ARHGEF6: variants seen among roughly 807,000 people sequenced by gnomAD.
The protein encoded by ARHGEF6 is Rac/Cdc42 guanine nucleotide exchange factor 6.
ARHGEF6 carries 9 observed loss-of-function variants against 70.3 expected under a neutral mutation model. That is an observed-to-expected ratio of 0.13 (90% CI 0.08 to 0.22). The LOEUF (loss-of-function observed/expected upper bound fraction) is 0.22, where lower values mean the gene tolerates loss of function less well. Ranked by LOEUF, ARHGEF6 falls within the 10% of genes least tolerant of loss-of-function variation. The probability of loss-of-function intolerance (pLI) is 1.00; values close to 1 mark genes in which losing one functional copy is unlikely to be tolerated. For synonymous variants in ARHGEF6, 201 were observed against 207.8 expected (o/e 0.97, Z 0.28); for missense variants, 470 against 563.0 (o/e 0.83, Z 1.67).
Position 136,680,880 on chromosome X carries a change from C to T in ARHGEF6, c.1559-4G>A. ...ACAATTCTCTCCACTGTGTTACCTA[C>T]ATCCCCCAATTATGATCAGTTTGAA... On this transcript the variant is annotated splice_polypyrimidine_tract_variant and splice_region_variant and intron_variant, in intron 14 of 21. Transcript: ENST00000250617. The T allele has an allele frequency of 8.3e-7, 1 of 1,211,679 alleles. No homozygotes were observed. The highest frequency in any genetic ancestry group is 1.1e-6 in the Non-Finnish European group (1 of 895,255).
chrX:136,780,738 T>A lies in ARHGEF6; in HGVS notation c.145A>T (p.Met49Leu). 1 of 1,211,466 alleles carries A rather than the reference T, an allele frequency of 8.3e-7. No homozygotes were observed. The highest frequency in any genetic ancestry group is 1.1e-6 in the Non-Finnish European group (1 of 895,265). Reference protein sequence around the residue: ...VVLCKLINRLMPGSVEKFCLD... With the variant: ...VVLCKLINRLLPGSVEKFCLD... ...CTTACCTTTTCCACAGAGCCAGGCA[T>A]GAGTCTGTTGATCAGTTTGCACAGA... Residue 49 changes from methionine (M) to leucine (L), a missense_variant, in exon 1 of 22, where the codon ATG (methionine) becomes TTG (leucine). By Grantham distance (15) the Met-to-Leu change is conservative. Coordinates refer to ENST00000250617, the MANE Select transcript of ARHGEF6 (RefSeq NM_004840.3).
intron 9 of ARHGEF6, among the ~76,000 whole-genome samples, chrX:136,702,798 T>C (rs2076589061): frequency 8.9e-6 from 1 of 112,293 alleles, no homozygotes; most frequent in South Asian, 3.7e-4. Flanking sequence ...AACATCTCTC[T>C]ATCAGGAACT....
At chrX:136,753,400 T>C (rs1300828186) in intron 2 of ARHGEF6, among the ~76,000 whole-genome samples, 2 of 111,685 alleles carry the variant, frequency 1.8e-5, no homozygotes, top group African/African-American at 6.5e-5. Flanking sequence ...ACTACCTTTA[T>C]GAGGCTCCAT....
intron 2 of ARHGEF6, among the ~76,000 whole-genome samples, chrX:136,754,177 T>G (rs1357976539): frequency 2.7e-5 from 3 of 111,921 alleles, no homozygotes; most frequent in African/African-American, 9.8e-5. Context: ...CCCCTTTCTC[T>G]ATAACAGAGA....
chrX:136,668,533 C>CTTATTATTATTA (rs58182405), intron 21 of ARHGEF6, among the ~76,000 whole-genome samples: 5 of 98,461 alleles, frequency 5.1e-5, no homozygotes, highest in African/African-American at 1.9e-4. Context: ...TCTTCTTCTT[C>CTTATTATTATTA]TTATTATTAT....
At chrX:136,748,007 C>T (rs1187134330) in intron 2 of ARHGEF6, among the ~76,000 whole-genome samples, 5 of 111,992 alleles carry the variant, frequency 4.5e-5, no homozygotes, top group African/African-American at 1.6e-4. Flanking sequence ...GAGGTGGAGC[C>T]TTTTTGACAT....
At chrX:136,778,034 A>G (rs1006870531) in intron 2 of ARHGEF6, among the ~76,000 whole-genome samples, 1 of 111,640 alleles carries the variant, frequency 9.0e-6, no homozygotes, top group Admixed American at 9.5e-5. Context: ...CATTGGGTAC[A>G]GTGTACACTG....
intron 6 of ARHGEF6, among the ~76,000 whole-genome samples, chrX:136,716,285 G>A (rs1360923964): frequency 2.7e-5 from 3 of 112,135 alleles, no homozygotes; most frequent in Non-Finnish European, 5.6e-5. Context: ...ACTGTTATGG[G>A]GGAAGGTCAA....
intron 7 of ARHGEF6, among the ~76,000 whole-genome samples, chrX:136,709,402 A>G (rs1228747627): frequency 2.7e-5 from 3 of 112,598 alleles, no homozygotes; most frequent in Non-Finnish European, 3.8e-5. Context: ...AACAAGAGTC[A>G]ACACTCATAG....
intron 9 of ARHGEF6, among the ~76,000 whole-genome samples, chrX:136,696,040 C>T (rs1488299817): frequency 8.9e-6 from 1 of 111,732 alleles, no homozygotes; most frequent in Non-Finnish European, 1.9e-5. Flanking sequence ...TACATTATTT[C>T]ATTTAATACT....
At chrX:136,724,814 G>T (rs1372755968) in intron 6 of ARHGEF6, among the ~76,000 whole-genome samples, 1 of 111,620 alleles carries the variant, frequency 9.0e-6, no homozygotes, top group Non-Finnish European at 1.9e-5. Context: ...AAGCACTGTT[G>T]TCTATAACTG....
intron 2 of ARHGEF6, 92 bp from the exon 3 acceptor site, chrX:136,747,684 G>GAA (rs140379962): frequency 0.069 from 8,231 of 119,276 alleles, 385 homozygotes; most frequent in South Asian, 0.097. Flanking sequence ...CAGCTCTCCG[G>GAA]AAAAAAAAAA....
intron 9 of ARHGEF6, among the ~76,000 whole-genome samples, chrX:136,701,000 T>G (rs1190104763): frequency 8.9e-6 from 1 of 112,068 alleles, no homozygotes; most frequent in Non-Finnish European, 1.9e-5. Flanking sequence ...ATGCCTTTGA[T>G]AGTCTAACAA....
intron 7 of ARHGEF6, among the ~76,000 whole-genome samples, chrX:136,710,692 A>C (rs1322842512): frequency 9.0e-6 from 1 of 110,780 alleles, no homozygotes; most frequent in Non-Finnish European, 1.9e-5. Flanking sequence ...GTGAGAAGTA[A>C]TGGAAACTTA....
In ARHGEF6 at chrX:136,666,167, C is replaced by T. The variant is rs1396673343; in HGVS notation, c.*1862G>A. The T allele has an allele frequency of 2.7e-5, 3 of 112,551 alleles. No individual in the cohort carries two copies. Among genetic ancestry groups the T allele is most frequent in the East Asian group, 2.8e-4 (1 of 3,617 alleles). The allele number at this position is 112,551 out of a possible 1,213,427, so 9.3% of individuals were successfully genotyped here. On this transcript the variant is annotated 3_prime_UTR_variant, in exon 22 of 22. Coordinates refer to ENST00000250617, the MANE Select transcript of ARHGEF6 (RefSeq NM_004840.3). ...CATTCCTAGAAATTTCTTTACTCTTCAGCTTCCAAACACGGCTGTGTGTGG... is the reference window on the plus strand; with the variant it reads ...CATTCCTAGAAATTTCTTTACTCTTTAGCTTCCAAACACGGCTGTGTGTGG...
At position 136,679,575 on chromosome X, in the gene ARHGEF6, G is replaced by A. The variant is rs1425431092; in HGVS notation, c.1790C>T (p.Ala597Val). 8.3e-7 allele frequency: 1 copy of A among 1,211,024 alleles called. No individual in the cohort carries two copies. The highest frequency in any genetic ancestry group is 1.1e-6 in the Non-Finnish European group (1 of 894,765). Residue 597 changes from alanine to valine, a missense_variant, in exon 16 of 22, where the codon GCA (alanine) becomes GTA (valine). This residue lies in a region of ARHGEF6 where 379 missense variants were observed against 449.3 expected (regional missense o/e 0.84). Coordinates refer to ENST00000250617, the MANE Select transcript of ARHGEF6 (RefSeq NM_004840.3). Reference protein sequence around the residue: ...KPWSLSCLRPAPPLRPSAALG... With the variant: ...KPWSLSCLRPVPPLRPSAALG... ...TGCTGCTGATGGTCTAAGTGGAGGT[G>A]CAGGTCGTAGACAACTTAAACTCCA...
At chrX:136,693,032 A>G (rs949808294) in intron 9 of ARHGEF6, among the ~76,000 whole-genome samples, 4 of 112,395 alleles carry the variant, frequency 3.6e-5, no homozygotes, top group African/African-American at 1.3e-4. Flanking sequence ...GCATTTGAGT[A>G]GAAATGTAAT....
chrX:136,684,564 C>G (rs1167459427), intron 12 of ARHGEF6, among the ~76,000 whole-genome samples: 5 of 110,361 alleles, frequency 4.5e-5, no homozygotes, highest in Non-Finnish European at 9.5e-5. Flanking sequence ...CCCCCCACCC[C>G]CCGGGCTTCT....
chrX:136,744,833 T>C (rs1206716985), intron 4 of ARHGEF6, among the ~76,000 whole-genome samples: 7 of 112,235 alleles, frequency 6.2e-5, no homozygotes, highest in Non-Finnish European at 1.3e-4. Context: ...ATGGCAATAA[T>C]AATGAGGATA....
Sources: allele counts gnomAD v4.1 joint callset (sites outside exome capture counted in the v4.1 genomes callset), GRCh38; gene constraint gnomAD v4.1.1; regional missense constraint gnomAD v4.1.1; transcripts MANE v1.5; gene names NCBI Gene and HGNC (gene_info 2026-07-23, HGNC 2026-07-21).